KDM3B: variants seen among roughly 807,000 people sequenced by gnomAD.
KDM3B encodes the protein lysine demethylase 3B.
In KDM3B, 10 loss-of-function variants were observed where a neutral mutation model predicts 170.0. The observed-to-expected ratio is 0.06, with a 90% CI of 0.04 to 0.10. KDM3B has a LOEUF of 0.10. KDM3B is among the 10% of genes least tolerant of loss of function. The probability of loss-of-function intolerance (pLI) is 1.00; values close to 1 mark genes in which losing one functional copy is unlikely to be tolerated. For synonymous variants in KDM3B, 831 were observed against 834.8 expected, an observed-to-expected ratio of 1.00 and a Z score of 0.08; for missense variants, 1,394 against 2,195.2, an observed-to-expected ratio of 0.64 and a Z score of 7.29.
chr5:138,436,620 G>T lies in KDM3B; in HGVS notation c.*920G>T, dbSNP rs1561802459. 6.6e-6 allele frequency: 1 copy of T among 152,214 alleles called. No homozygotes were observed. Among genetic ancestry groups the T allele is most frequent in the Non-Finnish European group, 1.5e-5 (1 of 68,052 alleles). 9.4% of individuals were successfully genotyped at this position (152,214 alleles called of 1,614,324 possible). ...AAGCTGTGGTGTGTTCCCCATGTGT[G>T]TGTACAACACTGGTGACTCCAGGAA... On this transcript the variant is annotated 3_prime_UTR_variant, in exon 24 of 24. Coordinates refer to ENST00000314358, the MANE Select transcript of KDM3B (RefSeq NM_016604.4).
intron 1 of KDM3B, among the ~76,000 whole-genome samples, chr5:138,354,268 T>TA (rs1313708423): frequency 6.6e-6 from 1 of 152,214 alleles, no homozygotes; most frequent in African/African-American, 2.4e-5. Flanking sequence ...AGGACATTTA[T>TA]AAGGCCTCAG....
At chr5:138,364,790 A>G (rs540339931) in intron 1 of KDM3B, among the ~76,000 whole-genome samples, 2 of 152,338 alleles carry the variant, frequency 1.3e-5, no homozygotes, top group South Asian at 4.1e-4. Context: ...GCTCCAGGCT[A>G]CACAGTTAAG....
At chr5:138,405,809 A>ATT (rs1762804107) in intron 11 of KDM3B, among the ~76,000 whole-genome samples, 1 of 152,224 alleles carries the variant, frequency 6.6e-6, no homozygotes, top group African/African-American at 2.4e-5. Flanking sequence ...TCAAATATAT[A>ATT]ATAGCAGCAC....
At chr5:138,430,944 A>T (rs1362021479) in intron 22 of KDM3B, among the ~76,000 whole-genome samples, 1 of 152,212 alleles carries the variant, frequency 6.6e-6, no homozygotes, top group Non-Finnish European at 1.5e-5. Flanking sequence ...GACAAGTCCT[A>T]GCTCAGCTAC....
At position 138,392,190 on chromosome 5, in the gene KDM3B, C is replaced by T; in HGVS notation, c.2558C>T (p.Ala853Val). The T allele has an allele frequency of 3.3e-6, 5 of 1,531,010 alleles. No individual in the cohort carries two copies. Among genetic ancestry groups the T allele is most frequent in the Non-Finnish European group, 4.4e-6 (5 of 1,137,178 alleles). 94.8% of individuals were successfully genotyped at this position (1,531,010 alleles called of 1,614,324 possible). A position where few individuals can be genotyped will look rare whatever the true frequency, so the allele number is the denominator to read the frequency against. ...CTGGGCCCCAATGGGGAGCGCAGTG[C>T]TGAGCTGTTGCTGGGCAAAAGCAAA... Reference protein sequence around the residue: ...GKLGPNGERSAELLLGKSKGK... With the variant: ...GKLGPNGERSVELLLGKSKGK... Residue 853 changes from alanine to valine, a missense_variant, in exon 8 of 24, where the codon GCT becomes GTT. Physicochemically the swap from Ala to Val is moderately conservative, Grantham distance 64 (BLOSUM62 0). Coordinates refer to ENST00000314358, the MANE Select transcript of KDM3B (RefSeq NM_016604.4).
intron 11 of KDM3B, among the ~76,000 whole-genome samples, chr5:138,414,714 G>T (rs1352421658): frequency 6.6e-6 from 1 of 152,134 alleles, no homozygotes; most frequent in African/African-American, 2.4e-5. Flanking sequence ...CAGCACTTTG[G>T]GAAGCCAAGG....
chr5:138,389,546 A>G (rs775976974), intron 7 of KDM3B, among the ~76,000 whole-genome samples: 1 of 152,176 alleles, frequency 6.6e-6, no homozygotes, highest in Non-Finnish European at 1.5e-5. Context: ...TATGAAGACT[A>G]TCTAGATCCA....
At chr5:138,372,915 G>T in intron 2 of KDM3B, 74 bp downstream of exon 2, 1 of 1,344,452 alleles carries the variant, frequency 7.4e-7, no homozygotes, top group Non-Finnish European at 1.0e-6. Flanking sequence ...GTTAGGGACA[G>T]AGTATGTGTA....
At chr5:138,419,762 C>T (rs936545879) in intron 14 of KDM3B, among the ~76,000 whole-genome samples, 1 of 130,742 alleles carries the variant, frequency 7.6e-6, no homozygotes, top group South Asian at 2.4e-4. Context: ...CACACACACA[C>T]ACACATATAT....
chr5:138,410,672 G>A (rs1030099853), intron 11 of KDM3B, among the ~76,000 whole-genome samples: 4 of 152,168 alleles, frequency 2.6e-5, no homozygotes, highest in Non-Finnish European at 5.9e-5. Context: ...ATGTCTGGCT[G>A]TGCTGTTATT....
chr5:138,352,820 G>T lies in KDM3B; in HGVS notation c.25G>T (p.Val9Leu). The T allele has an allele frequency of 7.5e-7, 1 of 1,331,322 alleles. No homozygotes were observed. Among genetic ancestry groups the T allele is most frequent in the South Asian group, 1.8e-5 (1 of 56,114 alleles). 82.5% of individuals were successfully genotyped at this position (1,331,322 alleles called of 1,614,324 possible). Reference sequence around the variant, plus strand: ...GATGGCGGACGCGGCGGCCTCCCCGGTGGGCAAGCGGCTGCTGCTGCTGTT... The same window carrying T: ...GATGGCGGACGCGGCGGCCTCCCCGTTGGGCAAGCGGCTGCTGCTGCTGTT... MADAAASP[V>L]GKRLLLLFAD... The change falls in exon 1 of 24, where the codon GTG becomes TTG. Residue 9 changes from valine to leucine, a missense_variant. This residue lies in a region of KDM3B where 99 missense variants were observed against 97.5 expected (regional missense o/e 1.02). Coordinates refer to ENST00000314358, the MANE Select transcript of KDM3B (RefSeq NM_016604.4).
intron 12 of KDM3B, among the ~76,000 whole-genome samples, chr5:138,416,795 A>G (rs759689549): frequency 6.6e-6 from 1 of 151,968 alleles, no homozygotes; most frequent in Non-Finnish European, 1.5e-5. Flanking sequence ...TTTTTAAGGT[A>G]TAACTTACAG....
intron 7 of KDM3B, among the ~76,000 whole-genome samples, chr5:138,389,967 C>G (rs754359408): frequency 4.6e-5 from 7 of 152,094 alleles, no homozygotes; most frequent in Non-Finnish European, 1.0e-4. Flanking sequence ...TCAAGCAATT[C>G]TCCTGCCTCA....
In KDM3B at chr5:138,352,928, C is replaced by G. The variant is rs377463473; in HGVS notation, c.133C>G (p.Arg45Gly). 7.6e-7 allele frequency: 1 copy of G among 1,321,154 alleles called. No homozygotes were observed. Among genetic ancestry groups the G allele is most frequent in the Non-Finnish European group, 9.6e-7 (1 of 1,037,206 alleles). The allele number at this position is 1,321,154 out of a possible 1,614,324, so 81.8% of individuals were successfully genotyped here. A position where few individuals can be genotyped will look rare whatever the true frequency, so the allele number is the denominator to read the frequency against. ...SGDPGPALRTRAWRAGTVRAM... is the reference protein window; with the variant it reads ...SGDPGPALRTGAWRAGTVRAM... ...AGATCCGGGGCCTGCGCTGCGCACT[C>G]GAGCCTGGCGGGCCGGCACGGTGCG... The change falls in exon 1 of 24, where the codon CGA becomes GGA. Residue 45 changes from arginine (R) to glycine (G), a missense_variant. This residue lies in a region of KDM3B where 99 missense variants were observed against 97.5 expected (regional missense o/e 1.02). Coordinates refer to ENST00000314358, the MANE Select transcript of KDM3B (RefSeq NM_016604.4).
Position 138,417,685 on chromosome 5 carries a change from CTGTTA to C in KDM3B, c.3435+78_3435+82del, listed in dbSNP as rs1763139103. 12 of 1,465,210 alleles carry C rather than the reference CTGTTA, an allele frequency of 8.2e-6. No homozygotes were observed. The South Asian group carries it at 1.2e-4, about 15-fold the overall frequency. The allele number at this position is 1,465,210 out of a possible 1,614,324, so 90.8% of individuals were successfully genotyped here. A position where few individuals can be genotyped will look rare whatever the true frequency, so the allele number is the denominator to read the frequency against. ...ACCAGGAAATGCCCCCTTTTCAACT[CTGTTA>C]TGCCAGGCTACTGTAGGATTCCTGA... On this transcript the variant is annotated intron_variant, in intron 13 of 23. Transcript: ENST00000314358.
intron 3 of KDM3B, among the ~76,000 whole-genome samples, chr5:138,376,383 T>C (rs2126927386): frequency 6.6e-6 from 1 of 152,188 alleles, no homozygotes; most frequent in South Asian, 2.1e-4. Flanking sequence ...GCCCAAGATT[T>C]AAGAACACAA....
At chr5:138,420,676 C>T in intron 14 of KDM3B, 30 bp from the exon 15 acceptor site, 1 of 1,611,356 alleles carries the variant, frequency 6.2e-7, no homozygotes, top group Non-Finnish European at 8.5e-7. Flanking sequence ...CTTTTTGTAC[C>T]TAATGCTGTT....
At chr5:138,423,295 G>A (rs913078701) in intron 15 of KDM3B, among the ~76,000 whole-genome samples, 4 of 152,176 alleles carry the variant, frequency 2.6e-5, no homozygotes, top group Admixed American at 6.5e-5. Context: ...TTTGGGTACC[G>A]TTTTATGTAT....
chr5:138,358,996 A>C (rs1439211548), intron 1 of KDM3B, among the ~76,000 whole-genome samples: 2 of 124,154 alleles, frequency 1.6e-5, no homozygotes, highest in Middle Eastern at 5.8e-3. Context: ...TCCTGTGTCC[A>C]TGTGTTCTCA....
Sources: allele counts gnomAD v4.1 joint callset (sites outside exome capture counted in the v4.1 genomes callset), GRCh38; gene constraint gnomAD v4.1.1; regional missense constraint gnomAD v4.1.1; transcripts MANE v1.5; gene names NCBI Gene and HGNC (gene_info 2026-07-23, HGNC 2026-07-21).